CORIN: variants seen among roughly 807,000 people sequenced by gnomAD.
CORIN encodes the protein corin, serine peptidase.
CORIN carries 117 observed loss-of-function variants against 125.3 expected under a neutral mutation model. That is an observed-to-expected ratio of 0.93 (90% CI 0.80 to 1.09). The LOEUF (loss-of-function observed/expected upper bound fraction) is 1.09, where lower values mean the gene tolerates loss of function less well. Among genes scored for constraint, CORIN ranks in the 50% least tolerant of loss-of-function variants. CORIN has a pLI of 0.00. For missense variants in CORIN, 1,253 were observed against 1,306.7 expected (o/e 0.96, Z 0.63); for synonymous variants, 450 against 466.4 (o/e 0.96, Z 0.45).
At chr4:47,661,180 C>T (rs759598139) in intron 12 of CORIN, among the ~76,000 whole-genome samples, 8 of 151,622 alleles carry the variant, frequency 5.3e-5, no homozygotes, top group Non-Finnish European at 7.4e-5. Context: ...CCAGTGTCTG[C>T]GAAGGGTAGT....
chr4:47,615,554 A>T (rs2109536447), intron 19 of CORIN, among the ~76,000 whole-genome samples: 1 of 152,356 alleles, frequency 6.6e-6, no homozygotes, highest in East Asian at 1.9e-4. Context: ...TGAATCCAAT[A>T]TGACTAATCC....
At chr4:47,723,306 A>T (rs1396779550) in intron 5 of CORIN, among the ~76,000 whole-genome samples, 1 of 152,146 alleles carries the variant, frequency 6.6e-6, no homozygotes, top group East Asian at 1.9e-4. Flanking sequence ...AGGGAGCTTG[A>T]GATGAAAGAT....
At chr4:47,632,761 A>AGATAGATAGAT (rs1294162855) in intron 16 of CORIN, among the ~76,000 whole-genome samples, 2 of 135,710 alleles carry the variant, frequency 1.5e-5, no homozygotes, top group East Asian at 2.0e-4. Flanking sequence ...ATAGATAGAT[A>AGATAGATAGAT]GATAGAGATA....
chr4:47,695,597 G>T (rs1725956378), intron 5 of CORIN, among the ~76,000 whole-genome samples: 2 of 152,114 alleles, frequency 1.3e-5, no homozygotes, highest in South Asian at 4.1e-4. Context: ...TCTTTTGTGT[G>T]GTTCCTCATC....
chr4:47,722,232 C>A (rs1055290968), intron 5 of CORIN, among the ~76,000 whole-genome samples: 2 of 152,204 alleles, frequency 1.3e-5, no homozygotes, highest in African/African-American at 4.8e-5. Context: ...CATCTTCTAA[C>A]TGTGGAAGGT....
chr4:47,595,504 A>T lies in CORIN; in HGVS notation c.*217T>A. 3 of 336,294 alleles carry T rather than the reference A, an allele frequency of 8.9e-6. No homozygotes were observed. The highest frequency in any genetic ancestry group is 4.8e-5 in the East Asian group (1 of 20,738). 20.8% of individuals were successfully genotyped at this position (336,294 alleles called of 1,614,324 possible). A position where few individuals can be genotyped will look rare whatever the true frequency, so the allele number is the denominator to read the frequency against. ...CAAAGTCTGCTTTGTTTGCTTTTGT[A>T]AAGTCTTTCATTGAACTTGAAATAA... is the stretch of plus-strand genomic sequence containing the variant. On this transcript the variant is annotated 3_prime_UTR_variant, in exon 22 of 22. Transcript: ENST00000273857.
At chr4:47,652,379 C>T (rs549790418) in intron 13 of CORIN, among the ~76,000 whole-genome samples, 50 of 152,238 alleles carry the variant, frequency 3.3e-4, no homozygotes, top group Admixed American at 8.5e-4. Flanking sequence ...AATGGAGCAA[C>T]GCAATATTTC....
At chr4:47,657,555 A>G (rs1724051314) in intron 12 of CORIN, among the ~76,000 whole-genome samples, 1 of 148,736 alleles carries the variant, frequency 6.7e-6, no homozygotes, top group South Asian at 2.1e-4. Flanking sequence ...AAAAAAAAAG[A>G]AAAAGAAATA....
chr4:47,623,090 C>A (rs1173511059), intron 19 of CORIN, among the ~76,000 whole-genome samples: 10 of 114,980 alleles, frequency 8.7e-5, no homozygotes, highest in African/African-American at 3.5e-4. Flanking sequence ...CTCTCTCTCT[C>A]TCTCTCTATA....
intron 1 of CORIN, among the ~76,000 whole-genome samples, chr4:47,821,341 T>C (rs73238637): frequency 0.029 from 4,336 of 151,380 alleles, 88 homozygotes; most frequent in Non-Finnish European, 0.046. Flanking sequence ...ACTTCAATGA[T>C]TAGGAATATT....
At chr4:47,648,755 C>G (rs921397536) in intron 13 of CORIN, among the ~76,000 whole-genome samples, 2 of 152,130 alleles carry the variant, frequency 1.3e-5, no homozygotes, top group African/African-American at 4.8e-5. Context: ...GAGCCGCTCA[C>G]AAGGAGGAAG....
At chr4:47,757,325 G>A (rs1293834233) in intron 4 of CORIN, among the ~76,000 whole-genome samples, 1 of 152,138 alleles carries the variant, frequency 6.6e-6, no homozygotes, top group Non-Finnish European at 1.5e-5. Context: ...CAGGAGTGGT[G>A]GCTCACACCT....
chr4:47,715,146 G>A (rs1473999382), intron 5 of CORIN, among the ~76,000 whole-genome samples: 1 of 152,114 alleles, frequency 6.6e-6, no homozygotes, highest in African/African-American at 2.4e-5. Flanking sequence ...AACTAAAACA[G>A]AAAATACTAT....
intron 16 of CORIN, among the ~76,000 whole-genome samples, chr4:47,629,275 C>T (rs1346314795): frequency 6.6e-6 from 1 of 152,096 alleles, no homozygotes; most frequent in Non-Finnish European, 1.5e-5. Context: ...TTTTAATTTG[C>T]ATTTCCCTGA....
chr4:47,757,838 T>C (rs1189318674), intron 4 of CORIN, among the ~76,000 whole-genome samples: 1 of 141,110 alleles, frequency 7.1e-6, no homozygotes, highest in East Asian at 2.0e-4. Flanking sequence ...ATCAGGAGAA[T>C]GATTGAAATG....
chr4:47,595,846 C>G lies in CORIN; in HGVS notation c.3004G>C (p.Gly1002Arg). The G allele has an allele frequency of 2.5e-5, 41 of 1,613,818 alleles. No individual in the cohort carries two copies. The highest frequency in any genetic ancestry group is 3.5e-5 in the Non-Finnish European group (41 of 1,179,836). ...EKPGGRWTLFGLTSWGSVCFS... is the reference protein window; with the variant it reads ...EKPGGRWTLFRLTSWGSVCFS... ...CAGACGGAGCCCCATGAAGTTAATCCAAATAATGTCCACCGTCCTCCAGGC... is the reference window on the plus strand; with the variant it reads ...CAGACGGAGCCCCATGAAGTTAATCGAAATAATGTCCACCGTCCTCCAGGC... Residue 1002 changes from glycine to arginine, a missense_variant, in exon 22 of 22, where the codon GGA becomes CGA. Coordinates refer to ENST00000273857, the MANE Select transcript of CORIN (RefSeq NM_006587.4).
At chr4:47,662,316 C>T (rs1396331223) in intron 11 of CORIN, among the ~76,000 whole-genome samples, 1 of 152,134 alleles carries the variant, frequency 6.6e-6, no homozygotes, top group African/African-American at 2.4e-5. Flanking sequence ...ATCTCATGTG[C>T]CACCTTAGCT....
In CORIN at chr4:47,836,879, C is replaced by T. The variant is rs369313698; in HGVS notation, c.63+1008G>A. ...CACCACCTCCCTTCCGCCCGCACAG[C>T]CTGCCCTCTCTGCCTGCAGCTAGCG... On this transcript the variant is annotated intron_variant, in intron 1 of 21. Transcript: ENST00000273857. Among the ~76,000 whole-genome samples, 5 of 152,374 alleles carry T rather than the reference C, an allele frequency of 3.3e-5. No individual in the cohort carries two copies. The East Asian group carries it at 5.8e-4, about 18-fold the overall frequency.
At chr4:47,666,217 G>A (rs1184902976) in intron 10 of CORIN, among the ~76,000 whole-genome samples, 6 of 152,116 alleles carry the variant, frequency 3.9e-5, no homozygotes, top group African/African-American at 7.2e-5. Flanking sequence ...GTGCAATAGC[G>A]TCTTAGGCAC....
Sources: gnomAD v4.1 joint callset for allele counts (sites outside exome capture counted in the v4.1 genomes callset) on GRCh38, gnomAD v4.1.1 for gene constraint, MANE v1.5 for transcripts, NCBI Gene and HGNC (gene_info 2026-07-23, HGNC 2026-07-21) for gene names.